The following PTCHD4 variants were observed in gnomAD, a reference collection of about 807,000 sequenced individuals.
The protein encoded by PTCHD4 is patched domain-containing protein 4.
Under a neutral mutation model 58.1 loss-of-function variants are expected in PTCHD4, and 33 were observed. The ratio of observed to expected loss-of-function variants is 0.57; its 90% CI spans 0.43 to 0.76. The LOEUF (loss-of-function observed/expected upper bound fraction) is 0.76, where lower values mean the gene tolerates loss of function less well. PTCHD4 is among the 30% of genes least tolerant of loss of function. PTCHD4 has a pLI of 0.00. For synonymous variants in PTCHD4, 478 were observed against 409.6 expected, an observed-to-expected ratio of 1.17 and a Z score of -2.02; for missense variants, 1,058 against 1,027.1, an observed-to-expected ratio of 1.03 and a Z score of -0.41.
At chr6:47,987,402 A>T (rs1344594606) in intron 4 of PTCHD4, among the ~76,000 whole-genome samples, 1 of 151,228 alleles carries the variant, frequency 6.6e-6, no homozygotes, top group East Asian at 1.9e-4. Context: ...AACTTAAAGT[A>T]TAATAAAAAA....
chr6:47,922,817 T>A (rs1765478365), intron 4 of PTCHD4, among the ~76,000 whole-genome samples: 1 of 152,218 alleles, frequency 6.6e-6, no homozygotes, highest in Admixed American at 6.5e-5. Context: ...TTATTCTTGT[T>A]ACTGGTTTTC....
At chr6:48,016,580 G>A (rs921320279) in intron 3 of PTCHD4, among the ~76,000 whole-genome samples, 5 of 151,772 alleles carry the variant, frequency 3.3e-5, no homozygotes, top group South Asian at 2.1e-4. Flanking sequence ...GCTATCTCAC[G>A]GCCATAAATC....
chr6:47,968,470 A>G (rs1767379981), intron 4 of PTCHD4, among the ~76,000 whole-genome samples: 1 of 152,204 alleles, frequency 6.6e-6, no homozygotes, highest in African/African-American at 2.4e-5. Flanking sequence ...TGGCACTGAT[A>G]TACTTGCTGG....
At chr6:47,881,450 A>T (rs1764018671) in intron 4 of PTCHD4, among the ~76,000 whole-genome samples, 1 of 152,102 alleles carries the variant, frequency 6.6e-6, no homozygotes, top group African/African-American at 2.4e-5. Flanking sequence ...TTGTTAGAAA[A>T]CCAGAGGGCA....
chr6:48,050,789 C>T (rs1764206737), intron 3 of PTCHD4, among the ~76,000 whole-genome samples: 1 of 151,928 alleles, frequency 6.6e-6, no homozygotes, highest in African/African-American at 2.4e-5. Context: ...AACCTGAAGT[C>T]TTACTGTGTG....
chr6:48,036,484 T>G (rs958002174), intron 3 of PTCHD4, among the ~76,000 whole-genome samples: 4 of 152,170 alleles, frequency 2.6e-5, no homozygotes, highest in African/African-American at 7.2e-5. Flanking sequence ...AATCTCATGC[T>G]GTCCTACACC....
chr6:47,969,585 A>G (rs768611190), intron 4 of PTCHD4, among the ~76,000 whole-genome samples: 4 of 152,186 alleles, frequency 2.6e-5, no homozygotes, highest in Non-Finnish European at 5.9e-5. Context: ...TACATGGTTC[A>G]GGTTAAATTT....
intron 4 of PTCHD4, among the ~76,000 whole-genome samples, chr6:47,916,523 C>T (rs1459033466): frequency 1.3e-5 from 2 of 152,036 alleles, no homozygotes; most frequent in African/African-American, 4.8e-5. Flanking sequence ...AAATCTGCCC[C>T]CTTATCTCCA....
chr6:47,902,685 T>C (rs1764749439), intron 4 of PTCHD4, among the ~76,000 whole-genome samples: 1 of 152,214 alleles, frequency 6.6e-6, no homozygotes, highest in African/African-American at 2.4e-5. Flanking sequence ...TCCTTTTAAT[T>C]ACATATAAAT....
intron 4 of PTCHD4, among the ~76,000 whole-genome samples, chr6:48,001,447 T>C (rs566484405): frequency 1.3e-5 from 2 of 152,124 alleles, no homozygotes; most frequent in African/African-American, 4.8e-5. Context: ...CCCTCAGAAA[T>C]AATGCCACAT....
intron 1 of PTCHD4, among the ~76,000 whole-genome samples, chr6:48,105,223 G>A (rs1765693360): frequency 6.6e-6 from 1 of 151,744 alleles, no homozygotes; most frequent in South Asian, 2.1e-4. Flanking sequence ...CTCAGCACAT[G>A]TAAAAGATCA....
intron 4 of PTCHD4, among the ~76,000 whole-genome samples, chr6:47,916,559 T>C (rs1310911955): frequency 6.6e-6 from 1 of 152,004 alleles, no homozygotes; most frequent in Admixed American, 6.6e-5. Flanking sequence ...GAGCTAGACC[T>C]AGAAAAGGGG....
chr6:47,890,135 G>T (rs186307116), intron 4 of PTCHD4, among the ~76,000 whole-genome samples: 6 of 151,886 alleles, frequency 4.0e-5, no homozygotes, highest in African/African-American at 1.4e-4. Context: ...GTATATGTGT[G>T]TGTGTTTATG....
intron 4 of PTCHD4, among the ~76,000 whole-genome samples, chr6:47,968,938 T>G (rs186017139): frequency 1.4e-4 from 21 of 152,322 alleles, no homozygotes; most frequent in Non-Finnish European, 2.5e-4. Context: ...TTGCAGTAAT[T>G]TGTTTCTTTG....
intron 4 of PTCHD4, among the ~76,000 whole-genome samples, chr6:47,936,755 A>G (rs1338357598): frequency 2.0e-5 from 3 of 152,246 alleles, no homozygotes; most frequent in Admixed American, 2.0e-4. Flanking sequence ...TACAGTTTAC[A>G]TTCTAATACA....
At chr6:47,926,267 C>T (rs1765611548) in intron 4 of PTCHD4, among the ~76,000 whole-genome samples, 1 of 152,136 alleles carries the variant, frequency 6.6e-6, no homozygotes, top group Non-Finnish European at 1.5e-5. Context: ...CTCCAAAGAG[C>T]TTAATGGTGT....
At chr6:48,071,571 G>A (rs547318738) in intron 1 of PTCHD4, among the ~76,000 whole-genome samples, 2 of 152,152 alleles carry the variant, frequency 1.3e-5, no homozygotes, top group Non-Finnish European at 2.9e-5. Flanking sequence ...GGCAGATAGT[G>A]TAGAACATTT....
At chr6:47,914,281 G>A (rs1429685325) in intron 4 of PTCHD4, among the ~76,000 whole-genome samples, 1 of 152,104 alleles carries the variant, frequency 6.6e-6, no homozygotes, top group Non-Finnish European at 1.5e-5. Context: ...AGGATGTGCA[G>A]GAGTTTGGTT....
intron 3 of PTCHD4, among the ~76,000 whole-genome samples, chr6:48,011,031 A>G (rs1255283436): frequency 6.6e-6 from 1 of 152,222 alleles, no homozygotes; most frequent in African/African-American, 2.4e-5. Flanking sequence ...CAGTCCTGCA[A>G]TAAACGTACG....
Sources: gnomAD v4.1 joint callset for allele counts (sites outside exome capture counted in the v4.1 genomes callset) on GRCh38, gnomAD v4.1.1 for gene constraint, MANE v1.5 for transcripts, NCBI Gene and HGNC (gene_info 2026-07-23, HGNC 2026-07-21) for gene names.